Variants in TCF12 observed in about 807,000 individuals in gnomAD.
The protein encoded by TCF12 is DNA-binding protein HTF4.
TCF12 carries 45 observed loss-of-function variants against 86.0 expected under a neutral mutation model. The observed-to-expected ratio is 0.52, with a 90% CI of 0.41 to 0.67. The LOEUF (loss-of-function observed/expected upper bound fraction) is 0.67. Among genes scored for constraint, TCF12 ranks in the 30% least tolerant of loss-of-function variants. The pLI, the probability that TCF12 is intolerant of heterozygous loss-of-function variation, is 0.00. For missense variants in TCF12, 881 were observed against 859.9 expected (o/e 1.02, Z -0.31); for synonymous variants, 330 against 299.6 (o/e 1.10, Z -1.05).
At chr15:56,942,098 C>T (rs547690226) in intron 3 of TCF12, among the ~76,000 whole-genome samples, 4 of 152,154 alleles carry the variant, frequency 2.6e-5, no homozygotes, top group South Asian at 2.1e-4. Context: ...TCTGAGATGC[C>T]GCCTTACCAG....
intron 8 of TCF12, among the ~76,000 whole-genome samples, chr15:57,204,699 A>G (rs1324815679): frequency 6.6e-6 from 1 of 152,126 alleles, no homozygotes; most frequent in African/African-American, 2.4e-5. Flanking sequence ...TATACATACT[A>G]AGTAGAATAA....
At chr15:57,283,165 C>G (rs2152138935) in intron 20 of TCF12, among the ~76,000 whole-genome samples, 1 of 152,274 alleles carries the variant, frequency 6.6e-6, no homozygotes, top group Admixed American at 6.5e-5. Context: ...ATGTTAGAGC[C>G]AGAATGCCCT....
intron 6 of TCF12, among the ~76,000 whole-genome samples, chr15:57,168,968 C>T (rs1231173383): frequency 6.6e-6 from 1 of 152,108 alleles, no homozygotes; most frequent in Admixed American, 6.6e-5. Context: ...ATCGCTGGAA[C>T]CCGGGAGGCA....
intron 3 of TCF12, 83 bp downstream of exon 3, chr15:56,921,181 ATAT>A: frequency 1.1e-6 from 1 of 921,642 alleles, no homozygotes; most frequent in Non-Finnish European, 1.6e-6. Context: ...TAACATTTAA[ATAT>A]TATTGAATAT....
intron 8 of TCF12, among the ~76,000 whole-genome samples, chr15:57,229,654 C>T (rs1385242148): frequency 6.6e-6 from 1 of 151,860 alleles, no homozygotes; most frequent in Non-Finnish European, 1.5e-5. Flanking sequence ...GAGTAGTGAA[C>T]AGGTAATATT....
At chr15:57,135,093 A>G (rs893463142) in intron 5 of TCF12, among the ~76,000 whole-genome samples, 4 of 152,306 alleles carry the variant, frequency 2.6e-5, no homozygotes, top group South Asian at 2.1e-4. Context: ...ATGGCTCAAC[A>G]TGGAACATTA....
intron 5 of TCF12, among the ~76,000 whole-genome samples, chr15:57,096,126 G>C (rs1204172459): frequency 1.3e-5 from 2 of 152,096 alleles, no homozygotes; most frequent in Admixed American, 1.3e-4. Context: ...CCATGATTAT[G>C]GAGACACTGA....
intron 6 of TCF12, among the ~76,000 whole-genome samples, chr15:57,171,877 C>T (rs1384549825): frequency 2.0e-5 from 3 of 152,106 alleles, no homozygotes; most frequent in Non-Finnish European, 4.4e-5. Flanking sequence ...ATCAGTATAA[C>T]AAAGTTTTTC....
chr15:56,948,438 A>G (rs1332943760), intron 3 of TCF12, among the ~76,000 whole-genome samples: 4 of 152,238 alleles, frequency 2.6e-5, no homozygotes, highest in Non-Finnish European at 5.9e-5. Context: ...TATTTAGGGA[A>G]AAGTTTTCTT....
intron 3 of TCF12, among the ~76,000 whole-genome samples, chr15:56,965,042 T>A (rs1355956375): frequency 6.6e-6 from 1 of 152,138 alleles, no homozygotes; most frequent in Non-Finnish European, 1.5e-5. Flanking sequence ...GTTTTTTCAG[T>A]TCTCTCAAGA....
intron 3 of TCF12, among the ~76,000 whole-genome samples, chr15:56,977,104 A>G (rs2062645096): frequency 6.6e-6 from 1 of 152,190 alleles, no homozygotes; most frequent in Non-Finnish European, 1.5e-5. Flanking sequence ...GGCTGCCATA[A>G]CAAATTACTA....
intron 3 of TCF12, among the ~76,000 whole-genome samples, chr15:56,980,367 T>C (rs1341230210): frequency 6.6e-6 from 1 of 152,118 alleles, no homozygotes; most frequent in Non-Finnish European, 1.5e-5. Flanking sequence ...AAAGGGTGAG[T>C]TTGGCCCCCT....
chr15:57,200,623 T>G (rs1485881714), intron 8 of TCF12, among the ~76,000 whole-genome samples: 2 of 152,222 alleles, frequency 1.3e-5, no homozygotes. Flanking sequence ...GTGAAAGGAC[T>G]AAGTATCGCT....
intron 19 of TCF12, among the ~76,000 whole-genome samples, chr15:57,279,372 A>C (rs763855490): frequency 1.6e-4 from 24 of 152,220 alleles, no homozygotes; most frequent in Non-Finnish European, 2.5e-4. Context: ...TCAACTACAT[A>C]AGAAGTCAAT....
chr15:57,272,078 T>C (rs143567258), intron 18 of TCF12, among the ~76,000 whole-genome samples: 10 of 152,350 alleles, frequency 6.6e-5, no homozygotes, highest in Admixed American at 2.6e-4. Flanking sequence ...ATGTGATCTT[T>C]CATGACTGGC....
chr15:57,144,358 A>G (rs2053208214), intron 5 of TCF12, among the ~76,000 whole-genome samples: 1 of 152,238 alleles, frequency 6.6e-6, no homozygotes, highest in South Asian at 2.1e-4. Flanking sequence ...CGTAGTACAA[A>G]TAAGTTCACA....
In TCF12 at chr15:57,263,293, G is replaced by T; in HGVS notation, c.1745+19G>T. On this transcript the variant is annotated intron_variant, in intron 18 of 20. Coordinates refer to ENST00000333725, the MANE Select transcript of TCF12 (RefSeq NM_207037.2). Reference sequence around the variant, plus strand: ...GAACAAGGTATTTGTTAGCATCCAGGTTTTAAATTTTATTCATTTTCCATA... The same window carrying T: ...GAACAAGGTATTTGTTAGCATCCAGTTTTTAAATTTTATTCATTTTCCATA... 1 of 1,588,808 alleles carries T rather than the reference G, an allele frequency of 6.3e-7. No homozygotes were observed. Among genetic ancestry groups the T allele is most frequent in the East Asian group, 2.3e-5 (1 of 44,368 alleles).
At chr15:57,007,768 T>C (rs1489596152) in intron 3 of TCF12, among the ~76,000 whole-genome samples, 1 of 51,928 alleles carries the variant, frequency 1.9e-5, no homozygotes, top group Non-Finnish European at 4.6e-5. Context: ...CTTTCTTTCT[T>C]TCTTTCTTTC....
At chr15:57,141,324 G>A (rs533412732) in intron 5 of TCF12, among the ~76,000 whole-genome samples, 1 of 152,166 alleles carries the variant, frequency 6.6e-6, no homozygotes, top group Admixed American at 6.6e-5. Flanking sequence ...GTAAAAGCAG[G>A]CATTAACTAA....
Sources: gnomAD v4.1 joint callset for allele counts (sites outside exome capture counted in the v4.1 genomes callset) on GRCh38, gnomAD v4.1.1 for gene constraint, MANE v1.5 for transcripts, NCBI Gene and HGNC (gene_info 2026-07-23, HGNC 2026-07-21) for gene names.